HECW1: variants seen among roughly 807,000 people sequenced by gnomAD.
The protein encoded by HECW1 is E3 ubiquitin-protein ligase HECW1.
HECW1 carries 61 observed loss-of-function variants against 182.3 expected under a neutral mutation model. The ratio of observed to expected loss-of-function variants is 0.33; its 90% confidence interval spans 0.27 to 0.41. The LOEUF is 0.41. Ranked by LOEUF, HECW1 falls within the 10% of genes least tolerant of loss-of-function variation. The pLI is 1.00. For missense variants in HECW1, 1,739 were observed against 2,108.9 expected (o/e 0.82, Z 3.44); for synonymous variants, 859 against 832.6 (o/e 1.03, Z -0.55).
chr7:43,490,334 C>T (rs1193323716), intron 17 of HECW1, among the ~76,000 whole-genome samples: 1 of 152,190 alleles, frequency 6.6e-6, no homozygotes, highest in African/African-American at 2.4e-5. Context: ...GGAGCTCTCT[C>T]CTCCCTTTCT....
intron 5 of HECW1, among the ~76,000 whole-genome samples, chr7:43,325,874 C>A (rs1810705013): frequency 6.6e-6 from 1 of 152,210 alleles, no homozygotes; most frequent in Admixed American, 6.5e-5. Flanking sequence ...TCATTCCCTG[C>A]ACCCATCAGA....
chr7:43,172,148 C>T (rs1373526069), intron 2 of HECW1, among the ~76,000 whole-genome samples: 1 of 138,604 alleles, frequency 7.2e-6, no homozygotes, highest in Non-Finnish European at 1.6e-5. Context: ...TAGCCAGGCA[C>T]AATGGTGGGG....
In HECW1 at chr7:43,247,610, C is replaced by G. The variant is rs1799503864; in HGVS notation, c.27+3678C>G. Among the ~76,000 whole-genome samples the G allele has an allele frequency of 2.0e-5, 3 of 148,894 alleles. No individual in the cohort carries two copies. The South Asian group carries it at 6.4e-4, about 32-fold the overall frequency. ...CTATAATCGTGCCATTGCACTCCAG[C>G]CTAGGCAACAGAGCAAGATGCTATG... is the stretch of plus-strand genomic sequence containing the variant. On this transcript the variant is annotated intron_variant, in intron 3 of 29. Coordinates refer to ENST00000395891, the MANE Select transcript of HECW1 (RefSeq NM_015052.5).
intron 3 of HECW1, among the ~76,000 whole-genome samples, chr7:43,303,575 T>A (rs1037951716): frequency 6.6e-6 from 1 of 152,166 alleles, no homozygotes; most frequent in Non-Finnish European, 1.5e-5. Context: ...TAATGTTCCC[T>A]TTCAGCCAGC....
intron 4 of HECW1, among the ~76,000 whole-genome samples, chr7:43,314,926 T>C (rs975493063): frequency 6.6e-6 from 1 of 152,230 alleles, no homozygotes; most frequent in African/African-American, 2.4e-5. Flanking sequence ...GTCGAATCAG[T>C]GGCTCCCACA....
chr7:43,204,158 A>C lies in HECW1; in HGVS notation c.-31-39717A>C, dbSNP rs73099673. Among the ~76,000 whole-genome samples the C allele has an allele frequency of 6.6e-3, 998 of 152,358 alleles. 6 individuals carry two copies. The highest frequency in any genetic ancestry group is 0.017 in the Middle Eastern group (5 of 294). ...AATAAATATTTTTGCCTTCTTCAAC[A>C]GTAGATGTCAAAGCAGCTAATTTTG... On this transcript the variant is annotated intron_variant, in intron 2 of 29. Coordinates refer to ENST00000395891, the MANE Select transcript of HECW1 (RefSeq NM_015052.5).
intron 2 of HECW1, among the ~76,000 whole-genome samples, chr7:43,191,591 T>C (rs1793923674): frequency 6.6e-6 from 1 of 152,234 alleles, no homozygotes; most frequent in Non-Finnish European, 1.5e-5. Flanking sequence ...TTCAGGTTTC[T>C]AATTTACTGT....
intron 2 of HECW1, among the ~76,000 whole-genome samples, chr7:43,225,975 G>A (rs1049489054): frequency 2.6e-5 from 4 of 152,064 alleles, no homozygotes; most frequent in Non-Finnish European, 4.4e-5. Context: ...GTCACAGTAT[G>A]TTGCCCAGGC....
chr7:43,492,950 T>C (rs1331773881), intron 18 of HECW1, 134 bp from the exon 19 acceptor site: 3 of 556,262 alleles, frequency 5.4e-6, no homozygotes, highest in Non-Finnish European at 9.5e-6. Context: ...AGAGCTTGCA[T>C]TTTTTTGATG....
At chr7:43,269,569 C>T (rs1333289427) in intron 3 of HECW1, among the ~76,000 whole-genome samples, 1 of 152,170 alleles carries the variant, frequency 6.6e-6, no homozygotes, top group African/African-American at 2.4e-5. Context: ...GTGAAGGAAG[C>T]TGGAGAGGAT....
chr7:43,537,005 A>G (rs1181078542), intron 24 of HECW1, among the ~76,000 whole-genome samples: 1 of 152,236 alleles, frequency 6.6e-6, no homozygotes, highest in Non-Finnish European at 1.5e-5. Context: ...GCTGAGTTGC[A>G]GAGGCTGAGA....
At chr7:43,363,950 T>C (rs773092235) in intron 6 of HECW1, among the ~76,000 whole-genome samples, 2 of 152,218 alleles carry the variant, frequency 1.3e-5, no homozygotes, top group Non-Finnish European at 2.9e-5. Context: ...CTTTGCAGTC[T>C]CGTCTGGGGA....
chr7:43,137,528 T>C (rs6971386), intron 2 of HECW1, among the ~76,000 whole-genome samples: 4 of 147,432 alleles, frequency 2.7e-5, no homozygotes, highest in African/African-American at 1.0e-4. Context: ...TTCTGCCTTC[T>C]TTTATTTATT....
At position 43,466,496 on chromosome 7, in the gene HECW1, C is replaced by G; in HGVS notation, c.2841C>G (p.Thr947=). Residue 947 remains threonine (T), a synonymous_variant, in exon 15 of 30, where the codon ACC becomes ACG. Coordinates refer to ENST00000395891, the MANE Select transcript of HECW1 (RefSeq NM_015052.5). ...SLSPVNSQKI[T]LLLQSPAVKF... ...CTCCAGTGAACTCACAAAAAATCAC[C>G]TTGCTGCTGCAGTCCCCAGCGGTCA... The G allele has an allele frequency of 6.2e-7, 1 of 1,613,904 alleles. No homozygotes were observed. The highest frequency in any genetic ancestry group is 8.5e-7 in the Non-Finnish European group (1 of 1,179,814).
chr7:43,113,624 C>G lies in HECW1; in HGVS notation c.-266-533C>G, dbSNP rs191629007. On this transcript the variant is annotated intron_variant, in intron 1 of 29. Transcript: ENST00000395891. ...TAGCGGGAGCAGTCATGTCGCCTAC[C>G]GTATTGCGACTTGCAGACAGGCAGG... 9.7e-4 allele frequency: 176 copies of G among 181,080 alleles called. No individual in the cohort carries two copies. In the East Asian group the frequency reaches 0.015, roughly 15 times the overall value. 11.2% of individuals were successfully genotyped at this position (181,080 alleles called of 1,614,324 possible). A position where few individuals can be genotyped will look rare whatever the true frequency, so the allele number is the denominator to read the frequency against.
intron 6 of HECW1, among the ~76,000 whole-genome samples, chr7:43,370,618 A>G (rs1817216883): frequency 6.6e-6 from 1 of 152,178 alleles, no homozygotes; most frequent in Non-Finnish European, 1.5e-5. Context: ...GTCCTTTAGC[A>G]GGCAAGCAGA....
chr7:43,373,805 T>G (rs1251159786), intron 6 of HECW1, among the ~76,000 whole-genome samples: 5 of 152,180 alleles, frequency 3.3e-5, no homozygotes, highest in Non-Finnish European at 7.4e-5. Context: ...CTCCCCATCC[T>G]CGGAGCCCTT....
intron 5 of HECW1, among the ~76,000 whole-genome samples, chr7:43,341,118 T>A (rs1011055205): frequency 2.0e-5 from 3 of 151,538 alleles, no homozygotes; most frequent in Admixed American, 6.6e-5. Flanking sequence ...ATGAGAACAC[T>A]TGGACACAGG....
intron 3 of HECW1, among the ~76,000 whole-genome samples, chr7:43,307,044 A>G (rs1807661472): frequency 6.6e-6 from 1 of 152,224 alleles, no homozygotes; most frequent in South Asian, 2.1e-4. Flanking sequence ...TAAACAAAAC[A>G]TTGGTGGCTC....
Sources: allele counts gnomAD v4.1 joint callset (sites outside exome capture counted in the v4.1 genomes callset), GRCh38; gene constraint gnomAD v4.1.1; transcripts MANE v1.5; gene names NCBI Gene and HGNC (gene_info 2026-07-23, HGNC 2026-07-21).